GABRG2: variants seen among roughly 807,000 people sequenced by gnomAD.
The protein encoded by GABRG2 is gamma-aminobutyric acid receptor subunit gamma-2.
Under a neutral mutation model 56.4 loss-of-function variants are expected in GABRG2, and 16 were observed. That is an observed-to-expected ratio of 0.28 (90% confidence interval 0.19 to 0.43). The LOEUF (loss-of-function observed/expected upper bound fraction) is 0.43, where lower values mean the gene tolerates loss of function less well. GABRG2 is among the 20% of genes least tolerant of loss of function. GABRG2 has a pLI of 1.00. For missense variants in GABRG2, 327 were observed against 582.7 expected, an observed-to-expected ratio of 0.56 and a Z score of 4.52; for synonymous variants, 208 against 205.5, an observed-to-expected ratio of 1.01 and a Z score of -0.10.
At chr5:162,090,266 A>G (rs1410228961) in intron 1 of GABRG2, among the ~76,000 whole-genome samples, 3 of 152,108 alleles carry the variant, frequency 2.0e-5, no homozygotes, top group African/African-American at 7.2e-5. Context: ...ATACACGTAC[A>G]CGTACACGTA....
At position 162,072,777 on chromosome 5, in the gene GABRG2, AC is replaced by A. The variant is rs1280250594; in HGVS notation, c.107+4673del. The stretch of plus-strand genomic sequence containing the variant: ...TCAACCACATTTGAGAGACTAGGAA[AC>A]CAAGATTATAGATAGATTAAATGAC... On this transcript the variant is annotated intron_variant, in intron 1 of 9. Coordinates refer to ENST00000639213, the MANE Select transcript of GABRG2 (RefSeq NM_198904.4). 3.9e-5 allele frequency among the ~76,000 whole-genome samples: 6 copies of A among 152,050 alleles called. 1 individual carries two copies. Among genetic ancestry groups the A allele is most frequent in the Admixed American group, 3.9e-4 (6 of 15,234 alleles).
intron 1 of GABRG2, among the ~76,000 whole-genome samples, 169 bp from the exon 2 acceptor site, chr5:162,093,659 C>T (rs1561641669): frequency 6.6e-6 from 1 of 152,152 alleles, no homozygotes; most frequent in Non-Finnish European, 1.5e-5. Flanking sequence ...CACTTGAATA[C>T]AGTTAGTCTC....
rs935824659 is a variant in GABRG2 at position 162,110,657 on chromosome 5, C to A, written c.769+6631C>A. Among the ~76,000 whole-genome samples the A allele has an allele frequency of 4.7e-5, 7 of 149,416 alleles. No homozygotes were observed. In the South Asian group the frequency reaches 8.5e-4, roughly 18 times the overall value. On this transcript the variant is annotated intron_variant, in intron 6 of 9. Transcript: ENST00000639213. ...ACAACAACAACAACAACAACAACAA[C>A]AAAAACTAAATGAAAATAAAACCTA...
chr5:162,091,154 A>G (rs1561640865), intron 1 of GABRG2, among the ~76,000 whole-genome samples: 1 of 151,992 alleles, frequency 6.6e-6, no homozygotes, highest in Non-Finnish European at 1.5e-5. Context: ...CCTGAAAAAC[A>G]TTTGTTTTTA....
intron 6 of GABRG2, among the ~76,000 whole-genome samples, chr5:162,123,746 A>C (rs1272344155): frequency 6.6e-6 from 1 of 151,798 alleles, no homozygotes; most frequent in Non-Finnish European, 1.5e-5. Context: ...TATAGGAGAG[A>C]AGCAGATTTA....
At chr5:162,097,535 CT>C (rs1761087370) in intron 3 of GABRG2, 102 bp from the exon 4 acceptor site, 3 of 919,686 alleles carry the variant, frequency 3.3e-6, no homozygotes, top group Non-Finnish European at 5.2e-6. Context: ...GCCAAGATAG[CT>C]TTGCTTCATA....
chr5:162,147,264 ATTCT>A (rs572572184), intron 7 of GABRG2, among the ~76,000 whole-genome samples: 2,777 of 109,350 alleles, frequency 0.025, 31 homozygotes, highest in Non-Finnish European at 0.039. Context: ...TCTTTCTTTC[ATTCT>A]TTCTTTTTTC....
At chr5:162,084,331 C>A (rs1759889458) in intron 1 of GABRG2, among the ~76,000 whole-genome samples, 1 of 151,816 alleles carries the variant, frequency 6.6e-6, no homozygotes, top group Non-Finnish European at 1.5e-5. Context: ...CTTAATATCA[C>A]AAAAATATTG....
rs980050353 is a variant in GABRG2 at position 162,102,185 on chromosome 5, G to A, written c.631+868G>A. ...TTCATCAATACCAGAGGAAACCAGA[G>A]GAAAAATATCACTGGACATCATATT... is the stretch of plus-strand genomic sequence containing the variant. On this transcript the variant is annotated intron_variant, in intron 5 of 9. Transcript: ENST00000639213. 2.1e-5 allele frequency: 4 copies of A among 189,730 alleles called. No homozygotes were observed. The South Asian group carries it at 3.8e-4, about 18-fold the overall frequency. The allele number at this position is 189,730 out of a possible 1,614,324, so 11.8% of individuals were successfully genotyped here.
At chr5:162,142,121 G>A in intron 6 of GABRG2, 43 bp from the exon 7 acceptor site, 1 of 1,601,750 alleles carries the variant, frequency 6.2e-7, no homozygotes, top group Non-Finnish European at 8.6e-7. Flanking sequence ...GTTTTCCAGT[G>A]ATTGATAAAG....
intron 7 of GABRG2, among the ~76,000 whole-genome samples, chr5:162,143,674 C>T (rs1764748560): frequency 6.6e-6 from 1 of 152,142 alleles, no homozygotes; most frequent in Non-Finnish European, 1.5e-5. Context: ...TTTGACATCA[C>T]ACATTTAGGA....
chr5:162,122,240 C>G (rs1482569580), intron 6 of GABRG2, among the ~76,000 whole-genome samples: 1 of 151,930 alleles, frequency 6.6e-6, no homozygotes. Context: ...GTTGCATTGG[C>G]TAAACAGCGA....
Position 162,153,712 on chromosome 5 carries a change from T to A in GABRG2, c.*344T>A. 2.8e-6 allele frequency: 1 copy of A among 362,998 alleles called. No homozygotes were observed. The highest frequency in any genetic ancestry group is 5.2e-6 in the Non-Finnish European group (1 of 192,832). 22.5% of individuals were successfully genotyped at this position (362,998 alleles called of 1,614,324 possible). A position where few individuals can be genotyped will look rare whatever the true frequency, so the allele number is the denominator to read the frequency against. Reference sequence around the variant, plus strand: ...TATCCTTACTAGATTCATAATGCAATTAGATAGAAAAGGTCCAAAACTGTA... The same window carrying A: ...TATCCTTACTAGATTCATAATGCAAATAGATAGAAAAGGTCCAAAACTGTA... On this transcript the variant is annotated 3_prime_UTR_variant, in exon 10 of 10. Transcript: ENST00000639213.
chr5:162,108,713 G>A (rs1450441608), intron 6 of GABRG2, among the ~76,000 whole-genome samples: 1 of 152,074 alleles, frequency 6.6e-6, no homozygotes, highest in Non-Finnish European at 1.5e-5. Flanking sequence ...GTTGCTCCAA[G>A]GATTAAGAAA....
intron 1 of GABRG2, among the ~76,000 whole-genome samples, chr5:162,090,067 T>C (rs796089104): frequency 3.1e-4 from 47 of 152,188 alleles, no homozygotes; most frequent in African/African-American, 1.1e-3. Context: ...CTAAATAAGA[T>C]TGATTTTTAC....
Position 162,142,132 on chromosome 5 carries a change from G to A in GABRG2, c.770-32G>A, listed in dbSNP as rs775613235. ...TAATGTTTTCCAGTGATTGATAAAGGGTTGTATGGTGTTATCTTTGGTCTG... is the reference window on the plus strand; with the variant it reads ...TAATGTTTTCCAGTGATTGATAAAGAGTTGTATGGTGTTATCTTTGGTCTG... On this transcript the variant is annotated intron_variant, in intron 6 of 9. Coordinates refer to ENST00000639213, the MANE Select transcript of GABRG2 (RefSeq NM_198904.4). 4.3e-6 allele frequency: 7 copies of A among 1,610,338 alleles called. No homozygotes were observed. The Admixed American group carries it at 1.2e-4, about 27-fold the overall frequency.
chr5:162,121,672 G>C (rs1762988450), intron 6 of GABRG2, among the ~76,000 whole-genome samples: 1 of 151,968 alleles, frequency 6.6e-6, no homozygotes, highest in South Asian at 2.1e-4. Context: ...CCAATTTTAT[G>C]TTTATCTCCT....
At chr5:162,093,372 T>G (rs1760755421) in intron 1 of GABRG2, among the ~76,000 whole-genome samples, 1 of 152,026 alleles carries the variant, frequency 6.6e-6, no homozygotes, top group Admixed American at 6.6e-5. Flanking sequence ...GTCTGGCAGT[T>G]TGTGGGAGGG....
At chr5:162,143,757 T>C (rs1477155549) in intron 7 of GABRG2, among the ~76,000 whole-genome samples, 1 of 152,220 alleles carries the variant, frequency 6.6e-6, no homozygotes, top group African/African-American at 2.4e-5. Flanking sequence ...TTCCTGTACC[T>C]AACTTATTGG....
Sources: allele counts gnomAD v4.1 joint callset (sites outside exome capture counted in the v4.1 genomes callset), GRCh38; gene constraint gnomAD v4.1.1; transcripts MANE v1.5; gene names NCBI Gene and HGNC (gene_info 2026-07-23, HGNC 2026-07-21).